The following ZFAND3 variants were observed in gnomAD, a reference collection of about 807,000 sequenced individuals.
ZFAND3 encodes AN1-type zinc finger protein 3.
In ZFAND3, 10 loss-of-function variants were observed where a neutral mutation model predicts 29.6. The observed-to-expected ratio is 0.34, with a 90% confidence interval of 0.21 to 0.57. The LOEUF is 0.57. ZFAND3 is among the 20% of genes least tolerant of loss of function. ZFAND3 has a pLI of 0.86. For missense variants in ZFAND3, 230 were observed against 304.5 expected (o/e 0.76, Z 1.82); for synonymous variants, 128 against 112.6 (o/e 1.14, Z -0.87).
At position 38,006,298 on chromosome 6, in the gene ZFAND3, G is replaced by A. The variant is rs947078907; in HGVS notation, c.113-55295G>A. Reference sequence around the variant, plus strand: ...AATTGACCAGCTGTTGTATGTCTCTGTGTTTGCTGTGATAGAATTTGGGAT... The same window carrying A: ...AATTGACCAGCTGTTGTATGTCTCTATGTTTGCTGTGATAGAATTTGGGAT... On this transcript the variant is annotated intron_variant, in intron 2 of 5. Transcript: ENST00000287218. Among the ~76,000 whole-genome samples, 16 of 152,150 alleles carry A rather than the reference G, an allele frequency of 1.1e-4. 1 individual carries two copies. Among genetic ancestry groups the A allele is most frequent in the Admixed American group, 6.6e-5 (1 of 15,264 alleles).
At chr6:38,079,140 C>T (rs2127469708) in intron 3 of ZFAND3, among the ~76,000 whole-genome samples, 1 of 152,252 alleles carries the variant, frequency 6.6e-6, no homozygotes, top group East Asian at 1.9e-4. Flanking sequence ...GTGGTGCTGA[C>T]ATGTTCCTGT....
intron 5 of ZFAND3, among the ~76,000 whole-genome samples, chr6:38,133,494 A>G (rs9470791): frequency 0.033 from 4,977 of 152,264 alleles, 223 homozygotes; most frequent in African/African-American, 0.096. Context: ...TCACGCTTGT[A>G]ATCCCAGCAC....
rs1765031341 is a variant in ZFAND3 at position 38,098,694 on chromosome 6, GC to G, written c.361+16238del. On this transcript the variant is annotated intron_variant, in intron 4 of 5. Coordinates refer to ENST00000287218, the MANE Select transcript of ZFAND3 (RefSeq NM_021943.3). ...TTTTTTTTATTTTTAGTAGAGACAG[GC>G]GTTTCACTGTGTTAGCCAGGATGGT... Among the ~76,000 whole-genome samples, 4 of 151,650 alleles carry G rather than the reference GC, an allele frequency of 2.6e-5. No homozygotes were observed. The South Asian group carries it at 8.3e-4, about 32-fold the overall frequency.
At chr6:38,109,078 C>G (rs1272431215) in intron 4 of ZFAND3, among the ~76,000 whole-genome samples, 2 of 151,780 alleles carry the variant, frequency 1.3e-5, no homozygotes, top group South Asian at 4.2e-4. Flanking sequence ...GAAGGACTAG[C>G]CAGCACAGGC....
At chr6:37,824,009 C>T (rs1561901144) in intron 1 of ZFAND3, among the ~76,000 whole-genome samples, 1 of 152,186 alleles carries the variant, frequency 6.6e-6, no homozygotes, top group Non-Finnish European at 1.5e-5. Context: ...CTCCCGACCT[C>T]AGGTGATCCT....
chr6:37,865,745 T>A (rs1764578385), intron 1 of ZFAND3, among the ~76,000 whole-genome samples: 1 of 152,074 alleles, frequency 6.6e-6, no homozygotes, highest in Non-Finnish European at 1.5e-5. Flanking sequence ...GCAGAGGAAG[T>A]CAGAGGCAAG....
intron 1 of ZFAND3, among the ~76,000 whole-genome samples, chr6:37,900,049 A>T (rs1405493080): frequency 3.3e-5 from 5 of 152,124 alleles, no homozygotes; most frequent in Non-Finnish European, 7.4e-5. Context: ...ATGTAGAATT[A>T]TTCTTTTGGG....
chr6:37,934,529 T>TAAAAAA (rs34477813), intron 2 of ZFAND3, among the ~76,000 whole-genome samples: 1 of 125,380 alleles, frequency 8.0e-6, no homozygotes, highest in South Asian at 2.6e-4. Flanking sequence ...TTAGTCTATT[T>TAAAAAA]AAAAAAAAAA....
chr6:38,072,593 CTG>C (rs957567960), intron 3 of ZFAND3, among the ~76,000 whole-genome samples: 1 of 152,060 alleles, frequency 6.6e-6, no homozygotes. Context: ...ATATGTGACA[CTG>C]TGCTGATTTT....
At chr6:38,108,405 G>A (rs1765249095) in intron 4 of ZFAND3, among the ~76,000 whole-genome samples, 1 of 152,244 alleles carries the variant, frequency 6.6e-6, no homozygotes, top group South Asian at 2.1e-4. Context: ...GGGGAATAGA[G>A]AAGCCAATAG....
intron 3 of ZFAND3, among the ~76,000 whole-genome samples, chr6:38,074,798 AG>A (rs1764520804): frequency 6.6e-6 from 1 of 152,228 alleles, no homozygotes; most frequent in Admixed American, 6.5e-5. Context: ...CCCTCTTGTT[AG>A]GGGCTAATGT....
At chr6:37,830,997 C>T (rs952739310) in intron 1 of ZFAND3, among the ~76,000 whole-genome samples, 21 of 152,154 alleles carry the variant, frequency 1.4e-4, no homozygotes, top group African/African-American at 4.6e-4. Context: ...TCCAAAACTC[C>T]GAAGATGAAG....
In ZFAND3 at chr6:38,152,838, T is replaced by C. The variant is rs1766260623; in HGVS notation, c.*449T>C. On this transcript the variant is annotated 3_prime_UTR_variant, in exon 6 of 6. Coordinates refer to ENST00000287218, the MANE Select transcript of ZFAND3 (RefSeq NM_021943.3). ...GGCCTTTCACCTCTTCACTTATCCT[T>C]AGTCCCAGTAGCCAGGATACCTGAT... 1.0e-6 allele frequency: 1 copy of C among 986,036 alleles called. No individual in the cohort carries two copies. Among genetic ancestry groups the C allele is most frequent in the African/African-American group, 1.7e-5 (1 of 57,234 alleles). The allele number at this position is 986,036 out of a possible 1,614,324, so 61.1% of individuals were successfully genotyped here.
At chr6:38,090,709 C>G (rs1361816615) in intron 4 of ZFAND3, among the ~76,000 whole-genome samples, 1 of 151,926 alleles carries the variant, frequency 6.6e-6, no homozygotes, top group Admixed American at 6.6e-5. Context: ...TTTTTGTTTC[C>G]CTGGAAGAAC....
chr6:37,867,568 T>G (rs896299284), intron 1 of ZFAND3, among the ~76,000 whole-genome samples: 10 of 152,242 alleles, frequency 6.6e-5, no homozygotes, highest in African/African-American at 9.6e-5. Context: ...GTATGGGTCC[T>G]TAATGTGGGT....
chr6:37,866,599 T>C (rs1016672494), intron 1 of ZFAND3, among the ~76,000 whole-genome samples: 2 of 152,202 alleles, frequency 1.3e-5, no homozygotes, highest in Non-Finnish European at 2.9e-5. Flanking sequence ...TGTTGACTGC[T>C]TGATTAAAAA....
chr6:37,823,549 C>T (rs949787884), intron 1 of ZFAND3, among the ~76,000 whole-genome samples: 1 of 152,140 alleles, frequency 6.6e-6, no homozygotes, highest in Non-Finnish European at 1.5e-5. Context: ...TAACTGCATT[C>T]TCTTGTGAGA....
intron 4 of ZFAND3, among the ~76,000 whole-genome samples, chr6:38,106,220 C>T (rs528050231): frequency 2.6e-5 from 4 of 151,634 alleles, no homozygotes; most frequent in Admixed American, 2.0e-4. Flanking sequence ...GGTGCAATCT[C>T]GGGCTCACTG....
intron 4 of ZFAND3, among the ~76,000 whole-genome samples, chr6:38,095,732 A>T (rs1764964651): frequency 6.6e-6 from 1 of 152,182 alleles, no homozygotes; most frequent in South Asian, 2.1e-4. Context: ...CAATTCTCGG[A>T]TGAAAGTCAT....
Sources: allele counts gnomAD v4.1 joint callset (sites outside exome capture counted in the v4.1 genomes callset), GRCh38; gene constraint gnomAD v4.1.1; transcripts MANE v1.5; gene names NCBI Gene and HGNC (gene_info 2026-07-23, HGNC 2026-07-21).